The following AUTS2 variants were observed in gnomAD, a reference collection of about 807,000 sequenced individuals.
The protein encoded by AUTS2 is autism susceptibility gene 2 protein.
AUTS2 carries 17 observed loss-of-function variants against 112.4 expected under a neutral mutation model. The observed-to-expected ratio is 0.15, with a 90% confidence interval of 0.10 to 0.23. The LOEUF (loss-of-function observed/expected upper bound fraction) is 0.23. Among genes scored for constraint, AUTS2 ranks in the 10% least tolerant of loss-of-function variants. The pLI, the probability that AUTS2 is intolerant of heterozygous loss-of-function variation, is 1.00. For synonymous variants in AUTS2, 751 were observed against 702.7 expected, an observed-to-expected ratio of 1.07 and a Z score of -1.09; for missense variants, 1,510 against 1,701.6, an observed-to-expected ratio of 0.89 and a Z score of 1.98.
chr7:70,444,903 A>C (rs1796261951), intron 5 of AUTS2, among the ~76,000 whole-genome samples: 1 of 152,150 alleles, frequency 6.6e-6, no homozygotes. Context: ...TAGTGCTCTT[A>C]GTGGTTTTTG....
intron 2 of AUTS2, among the ~76,000 whole-genome samples, chr7:69,989,156 C>T (rs955711929): frequency 6.6e-6 from 1 of 152,172 alleles, no homozygotes; most frequent in Non-Finnish European, 1.5e-5. Context: ...TCCAGATAGT[C>T]AAGACTTGAA....
intron 2 of AUTS2, among the ~76,000 whole-genome samples, chr7:70,055,963 C>T (rs1002575530): frequency 3.9e-5 from 6 of 151,944 alleles, no homozygotes; most frequent in East Asian, 3.9e-4. Flanking sequence ...AGATTATAGG[C>T]GTGAGCCACC....
At chr7:70,662,501 G>A (rs1169390686) in intron 5 of AUTS2, among the ~76,000 whole-genome samples, 1 of 152,220 alleles carries the variant, frequency 6.6e-6, no homozygotes, top group Non-Finnish European at 1.5e-5. Flanking sequence ...CAGTGTTCAA[G>A]CGAGAGTTGT....
chr7:69,600,029 C>T, intron 1 of AUTS2, 67 bp downstream of exon 1: 4 of 1,525,498 alleles, frequency 2.6e-6, no homozygotes, highest in South Asian at 1.1e-5. Flanking sequence ...GCCCGGCTCT[C>T]CTGCCTCCCT....
chr7:70,423,374 C>T (rs2130717030), intron 4 of AUTS2, among the ~76,000 whole-genome samples: 1 of 152,316 alleles, frequency 6.6e-6, no homozygotes, highest in Non-Finnish European at 1.5e-5. Flanking sequence ...TGGTCAGAAT[C>T]GCTAGACAAA....
At chr7:70,528,963 A>G (rs1050074329) in intron 5 of AUTS2, among the ~76,000 whole-genome samples, 1 of 152,212 alleles carries the variant, frequency 6.6e-6, no homozygotes, top group African/African-American at 2.4e-5. Flanking sequence ...ATTTGTTGAA[A>G]GAGTAAACTC....
At chr7:69,632,644 C>T (rs1465184515) in intron 1 of AUTS2, among the ~76,000 whole-genome samples, 2 of 148,736 alleles carry the variant, frequency 1.3e-5, no homozygotes, top group Non-Finnish European at 3.0e-5. Context: ...CTTTCCTTTC[C>T]CTTTCTCTTT....
At chr7:70,089,389 G>T (rs1017543308) in intron 2 of AUTS2, among the ~76,000 whole-genome samples, 8 of 151,704 alleles carry the variant, frequency 5.3e-5, no homozygotes, top group African/African-American at 1.9e-4. Context: ...AATATTCTTT[G>T]TTCTGAAATA....
chr7:70,120,219 G>C (rs1805611774), intron 3 of AUTS2: 1 of 152,106 alleles, frequency 6.6e-6, no homozygotes, highest in Admixed American at 6.5e-5. Context: ...TTTATGATGA[G>C]ATGTTGTATG....
At chr7:69,638,497 A>C (rs1349664207) in intron 1 of AUTS2, among the ~76,000 whole-genome samples, 1 of 152,214 alleles carries the variant, frequency 6.6e-6, no homozygotes, top group African/African-American at 2.4e-5. Flanking sequence ...TTAAATTTCA[A>C]AATCAATAGT....
chr7:70,582,336 C>T (rs182995835), intron 5 of AUTS2, among the ~76,000 whole-genome samples: 5 of 152,318 alleles, frequency 3.3e-5, no homozygotes, highest in Admixed American at 3.3e-4. Flanking sequence ...CCACGTCAAG[C>T]TGAGTATACA....
chr7:70,251,471 G>A (rs1786593998), intron 4 of AUTS2, among the ~76,000 whole-genome samples: 1 of 152,098 alleles, frequency 6.6e-6, no homozygotes, highest in Non-Finnish European at 1.5e-5. Context: ...TTAAATTTAA[G>A]GATTTCTTGT....
At chr7:70,538,898 T>C (rs1040408682) in intron 5 of AUTS2, among the ~76,000 whole-genome samples, 1 of 152,180 alleles carries the variant, frequency 6.6e-6, no homozygotes, top group Non-Finnish European at 1.5e-5. Flanking sequence ...GTGTGCCAGG[T>C]ATAGTGATGG....
rs576005675 is a variant in AUTS2, at chr7:69,697,893, C to T, written c.309+97931C>T. On this transcript the variant is annotated intron_variant, in intron 1 of 18. Transcript: ENST00000342771. ...GTAGTGGATCAGCATGCCGCTTTTC[C>T]TTCACTTCTTCAAGTAGATCAGACA... Among the ~76,000 whole-genome samples the T allele has an allele frequency of 2.6e-4, 40 of 152,248 alleles. No individual in the cohort carries two copies. In the East Asian group the frequency reaches 7.0e-3, roughly 26 times the overall value.
chr7:70,123,411 G>T (rs1163860556), intron 3 of AUTS2, among the ~76,000 whole-genome samples: 1 of 152,028 alleles, frequency 6.6e-6, no homozygotes, highest in African/African-American at 2.4e-5. Flanking sequence ...TCACCCAGTA[G>T]TACCCAATAG....
intron 4 of AUTS2, among the ~76,000 whole-genome samples, chr7:70,322,821 T>C (rs2129617970): frequency 1.3e-5 from 2 of 152,288 alleles, no homozygotes; most frequent in South Asian, 4.1e-4. Flanking sequence ...AATTCATTCG[T>C]GGGAGATAGT....
At chr7:70,686,474 C>T (rs922811083) in intron 5 of AUTS2, among the ~76,000 whole-genome samples, 1 of 152,134 alleles carries the variant, frequency 6.6e-6, no homozygotes, top group Admixed American at 6.5e-5. Flanking sequence ...AACCACTAGA[C>T]CAACTACCTC....
chr7:69,869,390 T>C (rs562129820), intron 1 of AUTS2, among the ~76,000 whole-genome samples: 8 of 152,114 alleles, frequency 5.3e-5, no homozygotes, highest in African/African-American at 1.9e-4. Flanking sequence ...TATTTCTGAT[T>C]TGAGGCATCG....
chr7:70,671,105 G>T (rs1378027569), intron 5 of AUTS2, among the ~76,000 whole-genome samples: 1 of 152,204 alleles, frequency 6.6e-6, no homozygotes, highest in Non-Finnish European at 1.5e-5. Flanking sequence ...CTGGTGGGGG[G>T]ATGGGGACAC....
Sources: gnomAD v4.1 joint callset for allele counts (sites outside exome capture counted in the v4.1 genomes callset) on GRCh38, gnomAD v4.1.1 for gene constraint, MANE v1.5 for transcripts, NCBI Gene and HGNC (gene_info 2026-07-23, HGNC 2026-07-21) for gene names.